Variants in PKNOX2 observed in about 807,000 individuals in gnomAD.
PKNOX2 encodes homeobox protein PKNOX2.
A neutral mutation model predicts 53.1 loss-of-function variants in PKNOX2; 14 were observed. That is an observed-to-expected ratio of 0.26 (90% CI 0.17 to 0.41). PKNOX2 has a LOEUF of 0.41. PKNOX2 is among the 10% of genes least tolerant of loss of function. The pLI is 1.00. For missense variants in PKNOX2, 496 were observed against 602.8 expected, an observed-to-expected ratio of 0.82 and a Z score of 1.85; for synonymous variants, 257 against 242.8, an observed-to-expected ratio of 1.06 and a Z score of -0.54.
intron 1 of PKNOX2, among the ~76,000 whole-genome samples, chr11:125,221,363 G>T (rs895031235): frequency 3.3e-5 from 5 of 152,142 alleles, no homozygotes; most frequent in Admixed American, 6.5e-5. Flanking sequence ...TAAGCATGAA[G>T]TGTGTGGCAT....
At chr11:125,429,906 C>A in intron 11 of PKNOX2, 57 bp from the exon 12 acceptor site, 1 of 1,528,650 alleles carries the variant, frequency 6.5e-7, no homozygotes, top group Non-Finnish European at 8.8e-7. Context: ...CTCCCTGCCC[C>A]CACCCCAAGG....
intron 2 of PKNOX2, among the ~76,000 whole-genome samples, chr11:125,262,671 C>T (rs544707467): frequency 1.3e-5 from 2 of 151,666 alleles, no homozygotes; most frequent in South Asian, 2.1e-4. Context: ...CCTCTCTCTA[C>T]CCCACAGGCT....
intron 1 of PKNOX2, among the ~76,000 whole-genome samples, chr11:125,215,227 T>G (rs1279172466): frequency 2.6e-5 from 4 of 151,990 alleles, no homozygotes; most frequent in African/African-American, 7.3e-5. Flanking sequence ...TAGGAGTTAG[T>G]GCAGTAATCA....
chr11:125,237,907 G>A (rs1482926388), intron 2 of PKNOX2, among the ~76,000 whole-genome samples: 1 of 152,138 alleles, frequency 6.6e-6, no homozygotes, highest in African/African-American at 2.4e-5. Flanking sequence ...CTTCTAAGCT[G>A]GGGTAGGTTT....
At chr11:125,216,290 T>A (rs918314936) in intron 1 of PKNOX2, among the ~76,000 whole-genome samples, 3 of 152,054 alleles carry the variant, frequency 2.0e-5, no homozygotes, top group Admixed American at 1.3e-4. Flanking sequence ...TGGTTTCGAG[T>A]CTGTCTGCTC....
chr11:125,257,821 G>T (rs772210540), intron 2 of PKNOX2, among the ~76,000 whole-genome samples: 2 of 152,192 alleles, frequency 1.3e-5, no homozygotes, highest in Non-Finnish European at 2.9e-5. Flanking sequence ...TGCTCACTTA[G>T]ACTTTGCATG....
chr11:125,208,296 G>A (rs1939393828), intron 1 of PKNOX2, among the ~76,000 whole-genome samples: 1 of 152,108 alleles, frequency 6.6e-6, no homozygotes, highest in Non-Finnish European at 1.5e-5. Context: ...TGTGGCCACA[G>A]AACCGAGGTA....
chr11:125,365,929 G>A (rs1952166246), intron 4 of PKNOX2, among the ~76,000 whole-genome samples: 1 of 152,208 alleles, frequency 6.6e-6, no homozygotes, highest in East Asian at 1.9e-4. Context: ...ACGGTGCCTG[G>A]TACATGGCAG....
intron 1 of PKNOX2, among the ~76,000 whole-genome samples, chr11:125,176,894 A>G (rs752370614): frequency 2.0e-5 from 3 of 152,214 alleles, no homozygotes; most frequent in African/African-American, 4.8e-5. Flanking sequence ...CTCCTCTGCC[A>G]TCCTATGCTC....
chr11:125,165,054 G>C lies in PKNOX2; in HGVS notation c.-201+278G>C, dbSNP rs376676441. 8.7e-4 allele frequency among the ~76,000 whole-genome samples: 132 copies of C among 151,244 alleles called. 3 individuals are homozygous for C. In the East Asian group the frequency reaches 0.024, roughly 27 times the overall value. ...AGCTGGGGAAGCGCCGGGAGAGCGC[G>C]GAGCGGAGCAGCGCGAGGGGCGGCG... On this transcript the variant is annotated intron_variant, in intron 1 of 12. Transcript: ENST00000298282. This position sits in a 1 kb window ranked among gnomAD's most constrained non-coding sequence, Gnocchi z 4.5.
chr11:125,178,646 G>GAGA (rs1555108398), intron 1 of PKNOX2, among the ~76,000 whole-genome samples: 1 of 74,422 alleles, frequency 1.3e-5, no homozygotes, highest in African/African-American at 9.3e-5. Context: ...AAGAAAGAAA[G>GAGA]AAGGAAGGAA....
At chr11:125,344,901 G>C (rs1296710999) in intron 3 of PKNOX2, among the ~76,000 whole-genome samples, 1 of 152,130 alleles carries the variant, frequency 6.6e-6, no homozygotes, top group Non-Finnish European at 1.5e-5. Context: ...GAACAAGGAT[G>C]TGAGACCTGA....
At chr11:125,357,500 C>T (rs1003097244) in intron 4 of PKNOX2, among the ~76,000 whole-genome samples, 36 of 152,114 alleles carry the variant, frequency 2.4e-4, no homozygotes, top group African/African-American at 7.7e-4. Flanking sequence ...CCAAGCAGAA[C>T]GAATGAATGC....
At chr11:125,249,934 G>A (rs773813331) in intron 2 of PKNOX2, among the ~76,000 whole-genome samples, 32 of 151,910 alleles carry the variant, frequency 2.1e-4, no homozygotes, top group Admixed American at 3.9e-4. Context: ...GTGTGGTGGC[G>A]CATGCCTGCA....
chr11:125,350,603 G>A (rs1253870162), intron 3 of PKNOX2, among the ~76,000 whole-genome samples: 1 of 152,160 alleles, frequency 6.6e-6, no homozygotes, highest in Non-Finnish European at 1.5e-5. Context: ...CTGTGGACAC[G>A]CCCATAGTCA....
chr11:125,228,629 T>G (rs776787651), intron 1 of PKNOX2, among the ~76,000 whole-genome samples: 10 of 152,182 alleles, frequency 6.6e-5, no homozygotes, highest in Admixed American at 6.5e-5. Flanking sequence ...TGGAGGGTCA[T>G]GTGAGCCGGA....
At chr11:125,222,811 A>G (rs12797326) in intron 1 of PKNOX2, among the ~76,000 whole-genome samples, 2 of 149,828 alleles carry the variant, frequency 1.3e-5, no homozygotes, top group Non-Finnish European at 3.0e-5. Flanking sequence ...GTGCGTGTGT[A>G]TGTGTGTGTG....
chr11:125,320,760 C>G (rs545214558), intron 2 of PKNOX2, among the ~76,000 whole-genome samples: 61 of 152,282 alleles, frequency 4.0e-4, no homozygotes, highest in South Asian at 3.5e-3. Flanking sequence ...TCAAAAAAAT[C>G]CCCACACTGC....
At chr11:125,169,047 T>C (rs978493121) in intron 1 of PKNOX2, among the ~76,000 whole-genome samples, 2 of 152,236 alleles carry the variant, frequency 1.3e-5, no homozygotes, top group African/African-American at 2.4e-5. Context: ...GTTTTCCTTT[T>C]TCCTACGCTG....
Sources: gnomAD v4.1 joint callset for allele counts (sites outside exome capture counted in the v4.1 genomes callset) on GRCh38, gnomAD v4.1.1 for gene constraint, Gnocchi (gnomAD v3.1) non-coding constraint, MANE v1.5 for transcripts, NCBI Gene and HGNC (gene_info 2026-07-23, HGNC 2026-07-21) for gene names.